The following NRXN1 variants were observed in gnomAD, a reference collection of about 807,000 sequenced individuals.
NRXN1 encodes neurexin-1.
Under a neutral mutation model 150.9 loss-of-function variants are expected in NRXN1, and 39 were observed. That is an observed-to-expected ratio of 0.26 (90% CI 0.20 to 0.34). The LOEUF (loss-of-function observed/expected upper bound fraction) is 0.34. Among genes scored for constraint, NRXN1 ranks in the 10% least tolerant of loss-of-function variants. NRXN1 has a pLI of 1.00. For missense variants in NRXN1, 1,815 were observed against 1,949.9 expected, an observed-to-expected ratio of 0.93 and a Z score of 1.30; for synonymous variants, 924 against 757.0, an observed-to-expected ratio of 1.22 and a Z score of -3.62.
At chr2:50,205,010 T>A (rs1184931232) in intron 18 of NRXN1, among the ~76,000 whole-genome samples, 1 of 152,110 alleles carries the variant, frequency 6.6e-6, no homozygotes, top group Non-Finnish European at 1.5e-5. Flanking sequence ...TAATCCTATA[T>A]ATGAAGTGAA....
intron 21 of NRXN1, among the ~76,000 whole-genome samples, chr2:49,979,278 C>T (rs1215276144): frequency 6.6e-6 from 1 of 152,072 alleles, no homozygotes; most frequent in East Asian, 1.9e-4. Flanking sequence ...GCCTGGGTGA[C>T]AGAACAAGAC....
At chr2:50,764,580 A>G (rs1352378117) in intron 5 of NRXN1, among the ~76,000 whole-genome samples, 1 of 151,968 alleles carries the variant, frequency 6.6e-6, no homozygotes, top group Non-Finnish European at 1.5e-5. Context: ...TTATATGCTT[A>G]TCGTTATACC....
At chr2:50,209,597 TA>T (rs1221195652) in intron 18 of NRXN1, among the ~76,000 whole-genome samples, 6 of 152,086 alleles carry the variant, frequency 3.9e-5, no homozygotes, top group African/African-American at 1.2e-4. Flanking sequence ...GGTACTTAAA[TA>T]AAACAAACAA....
At chr2:50,677,152 C>A (rs964676223) in intron 5 of NRXN1, among the ~76,000 whole-genome samples, 10 of 152,150 alleles carry the variant, frequency 6.6e-5, no homozygotes, top group Non-Finnish European at 1.5e-4. Flanking sequence ...TGTTAAAAAT[C>A]TCTGCCTTTA....
At chr2:50,317,263 C>A (rs1038628206) in intron 17 of NRXN1, among the ~76,000 whole-genome samples, 3 of 151,792 alleles carry the variant, frequency 2.0e-5, no homozygotes, top group African/African-American at 7.3e-5. Flanking sequence ...TATCAGGAAG[C>A]CCAGTGAATC....
At chr2:50,913,608 T>C (rs1164665255) in intron 5 of NRXN1, among the ~76,000 whole-genome samples, 6 of 151,782 alleles carry the variant, frequency 4.0e-5, no homozygotes, top group Non-Finnish European at 5.9e-5. Context: ...ATTTTAAACA[T>C]GAAAGAAAAT....
intron 2 of NRXN1, among the ~76,000 whole-genome samples, chr2:50,979,011 G>T (rs567013008): frequency 6.6e-6 from 1 of 152,016 alleles, no homozygotes; most frequent in East Asian, 1.9e-4. Context: ...GAATTACATA[G>T]GAAAAATAAT....
intron 2 of NRXN1, among the ~76,000 whole-genome samples, chr2:51,001,158 C>T (rs1359756368): frequency 1.4e-5 from 2 of 138,380 alleles, no homozygotes; most frequent in Non-Finnish European, 3.0e-5. Context: ...GTGTAGTAAA[C>T]ACAGTAAAGC....
chr2:50,670,507 T>C (rs1196797331), intron 5 of NRXN1, among the ~76,000 whole-genome samples: 1 of 151,928 alleles, frequency 6.6e-6, no homozygotes, highest in Non-Finnish European at 1.5e-5. Flanking sequence ...TTCACCCAGT[T>C]TGTCCTAATG....
intron 5 of NRXN1, among the ~76,000 whole-genome samples, chr2:50,727,175 T>C (rs1039342354): frequency 6.6e-6 from 1 of 152,166 alleles, no homozygotes; most frequent in Non-Finnish European, 1.5e-5. Context: ...CAAAAACCCT[T>C]ATACTTAAAG....
At chr2:50,859,164 G>T (rs1348313313) in intron 5 of NRXN1, among the ~76,000 whole-genome samples, 1 of 151,676 alleles carries the variant, frequency 6.6e-6, no homozygotes, top group Non-Finnish European at 1.5e-5. Flanking sequence ...TTCCCTCAAG[G>T]CTTGTCTCAC....
chr2:49,922,187 G>C lies in NRXN1; in HGVS notation c.4281C>G (p.Ser1427=). 6.2e-7 allele frequency: 1 copy of C among 1,614,128 alleles called. No homozygotes were observed. The highest frequency in any genetic ancestry group is 8.5e-7 in the Non-Finnish European group (1 of 1,180,008). The change falls in exon 23 of 23, where the codon TCC becomes TCG. Residue 1427 remains serine (S), a synonymous_variant. Coordinates refer to ENST00000401669, the MANE Select transcript of NRXN1 (RefSeq NM_001330078.2). ...YPGSAEVIRE[S]SSTTGMVVGI... ...CAACGACCATACCCGTGGTGCTGCTGGACTCCCGGATCACTTCTGCTGAGC... is the reference window on the plus strand; with the variant it reads ...CAACGACCATACCCGTGGTGCTGCTCGACTCCCGGATCACTTCTGCTGAGC...
intron 5 of NRXN1, among the ~76,000 whole-genome samples, chr2:50,747,023 T>C (rs145246308): frequency 3.9e-5 from 6 of 152,268 alleles, no homozygotes; most frequent in Admixed American, 3.9e-4. Flanking sequence ...CTAAGAAGTA[T>C]ATTTAAATGC....
At chr2:50,600,593 G>A (rs1382494633) in intron 8 of NRXN1, among the ~76,000 whole-genome samples, 1 of 152,142 alleles carries the variant, frequency 6.6e-6, no homozygotes, top group Middle Eastern at 3.2e-3. Flanking sequence ...CCAAAGTGCT[G>A]GGATTACAGG....
At chr2:50,650,264 C>G (rs552622100) in intron 5 of NRXN1, among the ~76,000 whole-genome samples, 3 of 151,980 alleles carry the variant, frequency 2.0e-5, no homozygotes, top group Non-Finnish European at 2.9e-5. Context: ...TTTTTACTGC[C>G]TTTATATACA....
At chr2:50,269,399 G>GT (rs750279311) in intron 17 of NRXN1, among the ~76,000 whole-genome samples, 13 of 152,176 alleles carry the variant, frequency 8.5e-5, no homozygotes, top group Non-Finnish European at 1.6e-4. Context: ...AGTATGCACT[G>GT]TATTTCCCAA....
At position 50,829,445 on chromosome 2, in the gene NRXN1, T is replaced by G. The variant is rs1671069899; in HGVS notation, c.832+92424A>C. On this transcript the variant is annotated intron_variant, in intron 5 of 22. Transcript: ENST00000401669. ...GCCCGGCTAACTCAGGATTTTTCCC[T>G]TTGCTGATGTAGCCTGACAGCAGGA... The G allele has an allele frequency of 2.6e-6, 4 of 1,534,972 alleles. No homozygotes were observed. The East Asian group carries it at 6.8e-5, about 26-fold the overall frequency.
At position 50,598,133 on chromosome 2, in the gene NRXN1, G is replaced by A. The variant is rs576875422; in HGVS notation, c.1320+21889C>T. 3.0e-4 allele frequency among the ~76,000 whole-genome samples: 45 copies of A among 150,956 alleles called. No individual in the cohort carries two copies. The South Asian group carries it at 8.4e-3, about 28-fold the overall frequency. ...AGCCTGGGCAACAGGGCAAAACTGCGTCTCAAAGAAAAAAAAAAAAATCCC... is the reference window on the plus strand; with the variant it reads ...AGCCTGGGCAACAGGGCAAAACTGCATCTCAAAGAAAAAAAAAAAAATCCC... On this transcript the variant is annotated intron_variant, in intron 8 of 22. Transcript: ENST00000401669.
intron 22 of NRXN1, 88 bp downstream of exon 22, chr2:49,943,616 T>C (rs1672388036): frequency 4.8e-6 from 4 of 835,112 alleles, no homozygotes; most frequent in South Asian, 4.3e-5. Flanking sequence ...TAGCCTTCTA[T>C]ACATGAATAT....
Sources: gnomAD v4.1 joint callset for allele counts (sites outside exome capture counted in the v4.1 genomes callset) on GRCh38, gnomAD v4.1.1 for gene constraint, MANE v1.5 for transcripts, NCBI Gene and HGNC (gene_info 2026-07-23, HGNC 2026-07-21) for gene names.